The following FAM53B variants were observed in gnomAD, a reference collection of about 807,000 sequenced individuals.
FAM53B encodes protein FAM53B.
Under a neutral mutation model 32.7 loss-of-function variants are expected in FAM53B, and 12 were observed. That is an observed-to-expected ratio of 0.37 (90% CI 0.24 to 0.59). The LOEUF (loss-of-function observed/expected upper bound fraction) is 0.59, where lower values mean the gene tolerates loss of function less well. Among genes scored for constraint, FAM53B ranks in the 20% least tolerant of loss-of-function variants. The pLI is 0.72. For missense variants in FAM53B, 477 were observed against 577.7 expected (o/e 0.83, Z 1.79); for synonymous variants, 234 against 228.7 (o/e 1.02, Z -0.21).
intron 2 of FAM53B, among the ~76,000 whole-genome samples, chr10:124,698,483 A>G (rs1304659612): frequency 6.6e-6 from 1 of 152,146 alleles, no homozygotes; most frequent in Non-Finnish European, 1.5e-5. Flanking sequence ...AGGCCTTCGC[A>G]AGGAACACTG....
At position 124,682,727 on chromosome 10, in the gene FAM53B, C is replaced by T. The variant is rs1222734902; in HGVS notation, c.134-348G>A. On this transcript the variant is annotated intron_variant, in intron 3 of 4. Coordinates refer to ENST00000337318, the MANE Select transcript of FAM53B (RefSeq NM_014661.4). The surrounding 1 kb of genome is among the most constrained non-coding windows in gnomAD (Gnocchi z 5.2). ...GTTTCTCATCTTATGGGTGGGAAATCGACTTGCCCTGAACCCTGCCCCTGG... is the reference window on the plus strand; with the variant it reads ...GTTTCTCATCTTATGGGTGGGAAATTGACTTGCCCTGAACCCTGCCCCTGG... Among the ~76,000 whole-genome samples, 1 of 152,192 alleles carries T rather than the reference C, an allele frequency of 6.6e-6. No individual in the cohort carries two copies. The highest frequency in any genetic ancestry group is 1.5e-5 in the Non-Finnish European group (1 of 68,040).
At chr10:124,718,071 C>T (rs2134094210) in intron 1 of FAM53B, among the ~76,000 whole-genome samples, 1 of 151,956 alleles carries the variant, frequency 6.6e-6, no homozygotes, top group East Asian at 1.9e-4. Context: ...AGCAGCTGGG[C>T]CTTGGAACAC....
chr10:124,743,533 A>T (rs2134108876), intron 1 of FAM53B, among the ~76,000 whole-genome samples: 1 of 152,244 alleles, frequency 6.6e-6, no homozygotes, highest in African/African-American at 2.4e-5. Flanking sequence ...GCGGGTGCAA[A>T]CTTCCGCGAA....
chr10:124,679,164 C>G (rs1949753739), intron 4 of FAM53B, among the ~76,000 whole-genome samples: 1 of 152,188 alleles, frequency 6.6e-6, no homozygotes, highest in Non-Finnish European at 1.5e-5. Context: ...TGGGCCACAC[C>G]TGGGTACCAG....
intron 4 of FAM53B, among the ~76,000 whole-genome samples, chr10:124,639,209 G>GTTCTGTA (rs1949454990): frequency 6.6e-6 from 1 of 152,104 alleles, no homozygotes; most frequent in East Asian, 1.9e-4. Context: ...GGGGGGTTGG[G>GTTCTGTA]TTCTGTATTT....
intron 4 of FAM53B, among the ~76,000 whole-genome samples, chr10:124,652,073 T>C (rs1002028966): frequency 6.6e-6 from 1 of 152,222 alleles, no homozygotes; most frequent in African/African-American, 2.4e-5. Flanking sequence ...AGCACGAGCA[T>C]GCTTTTGAGG....
chr10:124,631,570 C>T lies in FAM53B; in HGVS notation c.907-7966G>A, dbSNP rs374932931. Among the ~76,000 whole-genome samples, 27 of 152,306 alleles carry T rather than the reference C, an allele frequency of 1.8e-4. 1 individual carries two copies. The South Asian group carries it at 5.6e-3, about 32-fold the overall frequency. On this transcript the variant is annotated intron_variant, in intron 4 of 4. Transcript: ENST00000337318. ...TGGCCTGGGGAGTTGTCAAGTTCACCAGAGTGGTGCTCATCGGGCCAAACC... is the reference window on the plus strand; with the variant it reads ...TGGCCTGGGGAGTTGTCAAGTTCACTAGAGTGGTGCTCATCGGGCCAAACC...
At position 124,669,007 on chromosome 10, in the gene FAM53B, G is replaced by A. The variant is rs182840675; in HGVS notation, c.906+12600C>T. Among the ~76,000 whole-genome samples the A allele has an allele frequency of 5.9e-5, 9 of 152,326 alleles. No homozygotes were observed. In the East Asian group the frequency reaches 1.4e-3, roughly 23 times the overall value. ...AGCAGCTGCCAAGAGGCCCGAGAGC[G>A]GAGGCCAGCCAGGCCCCTGGCCTGG... On this transcript the variant is annotated intron_variant, in intron 4 of 4. Coordinates refer to ENST00000337318, the MANE Select transcript of FAM53B (RefSeq NM_014661.4).
intron 1 of FAM53B, among the ~76,000 whole-genome samples, chr10:124,717,129 T>C (rs988563402): frequency 1.3e-5 from 2 of 152,210 alleles, no homozygotes; most frequent in Admixed American, 6.5e-5. Context: ...ATGGGGGCTC[T>C]GGGCTTGACA....
chr10:124,687,182 T>C (rs1015865625), intron 3 of FAM53B, among the ~76,000 whole-genome samples: 29 of 152,274 alleles, frequency 1.9e-4, no homozygotes, highest in Admixed American at 3.3e-4. Context: ...GAAACAGGAA[T>C]AGAAGCTAAT....
rs377079697 is a variant in FAM53B at position 124,656,848 on chromosome 10, T to G, written c.906+24759A>C. ...GTTTTTTTAAAAACTGTGACAACAC[T>G]TGGACACAGGAAGGGGAACATCACA... On this transcript the variant is annotated intron_variant, in intron 4 of 4. Coordinates refer to ENST00000337318, the MANE Select transcript of FAM53B (RefSeq NM_014661.4). Among the ~76,000 whole-genome samples the G allele has an allele frequency of 7.9e-5, 12 of 151,848 alleles. No individual in the cohort carries two copies. The East Asian group carries it at 2.3e-3, about 29-fold the overall frequency.
intron 4 of FAM53B, among the ~76,000 whole-genome samples, chr10:124,679,629 C>T (rs1025551470): frequency 2.0e-5 from 3 of 152,246 alleles, no homozygotes; most frequent in Non-Finnish European, 4.4e-5. Flanking sequence ...GCCTTGGGCA[C>T]ACACACTTTC....
intron 4 of FAM53B, among the ~76,000 whole-genome samples, chr10:124,667,987 G>A (rs1388629746): frequency 6.6e-6 from 1 of 152,150 alleles, no homozygotes; most frequent in East Asian, 1.9e-4. Flanking sequence ...GGCACACCAA[G>A]CCCCACACCA....
intron 3 of FAM53B, among the ~76,000 whole-genome samples, chr10:124,693,173 C>T (rs1949846492): frequency 1.3e-5 from 2 of 152,264 alleles, no homozygotes; most frequent in South Asian, 4.1e-4. Context: ...CTCTTCCCCA[C>T]TGTTGAAAAG....
At chr10:124,703,101 G>C (rs1949926657) in intron 2 of FAM53B, among the ~76,000 whole-genome samples, 1 of 152,064 alleles carries the variant, frequency 6.6e-6, no homozygotes, top group Non-Finnish European at 1.5e-5. Context: ...GAGTGCGGTA[G>C]TGCTGTGATA....
intron 4 of FAM53B, among the ~76,000 whole-genome samples, chr10:124,641,035 G>A (rs559386925): frequency 1.3e-5 from 2 of 152,330 alleles, no homozygotes; most frequent in South Asian, 4.1e-4. Flanking sequence ...TGTGGGAGAG[G>A]CTGAAAGCAC....
intron 1 of FAM53B, among the ~76,000 whole-genome samples, chr10:124,715,110 T>A (rs1003269125): frequency 6.6e-6 from 1 of 152,238 alleles, no homozygotes; most frequent in Non-Finnish European, 1.5e-5. Flanking sequence ...AGTACTTGAT[T>A]TGTCAGCTAA....
At chr10:124,685,984 T>A (rs1949799994) in intron 3 of FAM53B, among the ~76,000 whole-genome samples, 1 of 151,712 alleles carries the variant, frequency 6.6e-6, no homozygotes, top group Non-Finnish European at 1.5e-5. Flanking sequence ...TCCACATCAT[T>A]CCCCACAACA....
At chr10:124,628,094 G>A (rs1408861011) in intron 4 of FAM53B, among the ~76,000 whole-genome samples, 1 of 152,196 alleles carries the variant, frequency 6.6e-6, no homozygotes, top group Admixed American at 6.5e-5. Context: ...TCCTGGGCCA[G>A]CAGGGTGAAC....
Sources: allele counts gnomAD v4.1 joint callset (sites outside exome capture counted in the v4.1 genomes callset), GRCh38; gene constraint gnomAD v4.1.1; non-coding constraint Gnocchi (gnomAD v3.1); transcripts MANE v1.5; gene names NCBI Gene and HGNC (gene_info 2026-07-23, HGNC 2026-07-21).